The following STK32B variants were observed in gnomAD, a reference collection of about 807,000 sequenced individuals.
The protein encoded by STK32B is serine/threonine kinase 32B.
STK32B carries 43 observed loss-of-function variants against 52.6 expected under a neutral mutation model. The ratio of observed to expected loss-of-function variants is 0.82; its 90% confidence interval spans 0.64 to 1.05. The LOEUF is 1.05. STK32B is among the 50% of genes least tolerant of loss of function. The pLI is 0.00. For synonymous variants in STK32B, 238 were observed against 204.3 expected, an observed-to-expected ratio of 1.17 and a Z score of -1.41; for missense variants, 621 against 534.6, an observed-to-expected ratio of 1.16 and a Z score of -1.59.
chr4:5,449,611 G>A (rs1282614329), intron 7 of STK32B, among the ~76,000 whole-genome samples: 1 of 152,094 alleles, frequency 6.6e-6, no homozygotes, highest in Admixed American at 6.5e-5. Flanking sequence ...TTAGGAACTG[G>A]CCGCACAGCA....
Position 5,239,119 on chromosome 4 carries a change from C to T in STK32B, c.260+70669C>T, listed in dbSNP as rs182638310. Among the ~76,000 whole-genome samples the T allele has an allele frequency of 5.3e-5, 8 of 152,108 alleles. No individual in the cohort carries two copies. The East Asian group carries it at 1.4e-3, about 26-fold the overall frequency. Reference sequence around the variant, plus strand: ...TGCATGGGAAGCCCTGAGGTGAGAGCGTAGTGAAGGCTGGTGTTACCGGAG... The same window carrying T: ...TGCATGGGAAGCCCTGAGGTGAGAGTGTAGTGAAGGCTGGTGTTACCGGAG... On this transcript the variant is annotated intron_variant, in intron 3 of 11. Coordinates refer to ENST00000282908, the MANE Select transcript of STK32B (RefSeq NM_018401.3).
At chr4:5,126,361 C>T (rs10033897) in intron 1 of STK32B, among the ~76,000 whole-genome samples, 3,198 of 152,272 alleles carry the variant, frequency 0.021, 106 homozygotes, top group African/African-American at 0.071. Context: ...GCAGCCACTC[C>T]GGCAAGCCTT....
At chr4:5,403,644 A>G (rs994082983) in intron 5 of STK32B, among the ~76,000 whole-genome samples, 4 of 152,128 alleles carry the variant, frequency 2.6e-5, no homozygotes, top group African/African-American at 9.7e-5. Context: ...TTGCTAACAT[A>G]TTTGTTGATA....
intron 3 of STK32B, among the ~76,000 whole-genome samples, chr4:5,295,099 C>G (rs1729113494): frequency 1.3e-5 from 2 of 152,120 alleles, no homozygotes; most frequent in Non-Finnish European, 2.9e-5. Context: ...TATGTTGAAC[C>G]AGCCTTGCAT....
intron 3 of STK32B, among the ~76,000 whole-genome samples, chr4:5,292,435 T>C (rs1282911371): frequency 6.6e-6 from 1 of 152,170 alleles, no homozygotes; most frequent in African/African-American, 2.4e-5. Context: ...GCTGCTTGTA[T>C]GTGTTCTTCA....
At chr4:5,205,053 C>G (rs190736853) in intron 3 of STK32B, among the ~76,000 whole-genome samples, 308 of 152,262 alleles carry the variant, frequency 2.0e-3, no homozygotes, top group Admixed American at 7.2e-3. Context: ...CTGGAGGGCC[C>G]GAGTGGAACA....
intron 2 of STK32B, 147 bp downstream of exon 2, chr4:5,140,107 GT>G (rs1447001945): frequency 2.4e-5 from 34 of 1,413,494 alleles, no homozygotes; most frequent in Admixed American, 3.6e-5. Context: ...AGTCTGAATA[GT>G]TTCCTTGCGA....
intron 5 of STK32B, among the ~76,000 whole-genome samples, chr4:5,404,477 A>T (rs1374178822): frequency 6.6e-6 from 1 of 152,128 alleles, no homozygotes; most frequent in Non-Finnish European, 1.5e-5. Context: ...TTATCCCTCA[A>T]TCAACTGTTA....
chr4:5,243,356 C>T (rs528004154), intron 3 of STK32B, among the ~76,000 whole-genome samples: 1 of 152,240 alleles, frequency 6.6e-6, no homozygotes, highest in South Asian at 2.1e-4. Context: ...AATGGGAGTT[C>T]ACTCATGATT....
chr4:5,165,408 G>C (rs1718788597), intron 2 of STK32B, among the ~76,000 whole-genome samples: 1 of 152,102 alleles, frequency 6.6e-6, no homozygotes, highest in South Asian at 2.1e-4. Flanking sequence ...TCTGAGCTGA[G>C]GTGAGAGCTG....
At chr4:5,309,969 C>T (rs2108908702) in intron 3 of STK32B, among the ~76,000 whole-genome samples, 1 of 152,236 alleles carries the variant, frequency 6.6e-6, no homozygotes, top group South Asian at 2.1e-4. Flanking sequence ...AATTTGAGAC[C>T]AGCCTGGCCA....
chr4:5,433,916 G>A (rs931001385), intron 6 of STK32B, among the ~76,000 whole-genome samples: 1 of 152,180 alleles, frequency 6.6e-6, no homozygotes, highest in Admixed American at 6.5e-5. Flanking sequence ...GGAAAGAAAG[G>A]CGATGTCTCA....
At chr4:5,411,603 T>C (rs1211801883) in intron 5 of STK32B, among the ~76,000 whole-genome samples, 1 of 152,232 alleles carries the variant, frequency 6.6e-6, no homozygotes, top group Non-Finnish European at 1.5e-5. Flanking sequence ...AGACATTTTA[T>C]ATAAAAGGCT....
At chr4:5,150,196 TG>T (rs1418301345) in intron 2 of STK32B, among the ~76,000 whole-genome samples, 2 of 152,128 alleles carry the variant, frequency 1.3e-5, no homozygotes, top group African/African-American at 4.8e-5. Flanking sequence ...TATGCATAGG[TG>T]GAAACTCTTG....
At chr4:5,206,491 A>G (rs1346377753) in intron 3 of STK32B, among the ~76,000 whole-genome samples, 3 of 152,138 alleles carry the variant, frequency 2.0e-5, no homozygotes, top group Non-Finnish European at 4.4e-5. Flanking sequence ...GTCTTGAGCT[A>G]ATGACAGAGG....
chr4:5,260,116 C>T (rs1458831671), intron 3 of STK32B, among the ~76,000 whole-genome samples: 1 of 152,042 alleles, frequency 6.6e-6, no homozygotes, highest in African/African-American at 2.4e-5. Context: ...CACACACACA[C>T]GGAGCCGTAC....
At chr4:5,459,534 G>A (rs114825360) in intron 8 of STK32B, among the ~76,000 whole-genome samples, 521 of 152,280 alleles carry the variant, frequency 3.4e-3, no homozygotes, top group Non-Finnish European at 5.5e-3. Flanking sequence ...TGGCAAGTTG[G>A]GAGGCCCGCT....
chr4:5,477,953 C>T (rs1718370944), intron 11 of STK32B, among the ~76,000 whole-genome samples: 1 of 152,138 alleles, frequency 6.6e-6, no homozygotes, highest in South Asian at 2.1e-4. Context: ...GCAAACCTCA[C>T]CCTTAAGCCA....
At chr4:5,233,943 C>T (rs1560245153) in intron 3 of STK32B, among the ~76,000 whole-genome samples, 2 of 151,862 alleles carry the variant, frequency 1.3e-5, no homozygotes, top group African/African-American at 2.4e-5. Flanking sequence ...GCACAAGTGC[C>T]CCCTTCTCTG....
Sources: gnomAD v4.1 joint callset for allele counts (sites outside exome capture counted in the v4.1 genomes callset) on GRCh38, gnomAD v4.1.1 for gene constraint, MANE v1.5 for transcripts, NCBI Gene and HGNC (gene_info 2026-07-23, HGNC 2026-07-21) for gene names.